ITGB1: variants seen among roughly 807,000 people sequenced by gnomAD.
ITGB1 encodes the protein integrin subunit beta 1.
ITGB1 carries 24 observed loss-of-function variants against 86.5 expected under a neutral mutation model. The ratio of observed to expected loss-of-function variants is 0.28; its 90% CI spans 0.20 to 0.39. The LOEUF is 0.39. Among genes scored for constraint, ITGB1 ranks in the 10% least tolerant of loss-of-function variants. The probability of loss-of-function intolerance (pLI) is 1.00; values close to 1 mark genes in which losing one functional copy is unlikely to be tolerated. For missense variants in ITGB1, 556 were observed against 946.9 expected, an observed-to-expected ratio of 0.59 and a Z score of 5.42; for synonymous variants, 323 against 316.8, an observed-to-expected ratio of 1.02 and a Z score of -0.21.
intron 2 of ITGB1, 89 bp from the exon 3 acceptor site, chr10:32,932,689 CAT>C (rs2094987672): frequency 9.2e-6 from 7 of 758,968 alleles, no homozygotes; most frequent in Non-Finnish European, 1.4e-5. Flanking sequence ...CAATGCAATA[CAT>C]ATGTTAAATA....
At chr10:32,913,327 T>C (rs562725875) in intron 11 of ITGB1, among the ~76,000 whole-genome samples, 1 of 152,318 alleles carries the variant, frequency 6.6e-6, no homozygotes, top group East Asian at 1.9e-4. Context: ...TTTGACAAGT[T>C]GAGAGAAGAA....
intron 1 of ITGB1, among the ~76,000 whole-genome samples, chr10:32,938,370 C>A (rs964347398): frequency 4.6e-5 from 7 of 152,184 alleles, no homozygotes; most frequent in African/African-American, 1.7e-4. Flanking sequence ...TGGACAGATA[C>A]ATGTTTCTTC....
intron 1 of ITGB1, among the ~76,000 whole-genome samples, chr10:32,946,706 G>A (rs940433374): frequency 8.4e-6 from 1 of 118,888 alleles, no homozygotes; most frequent in Non-Finnish European, 1.6e-5. Context: ...TTTTCTCCAG[G>A]TACTTAAAAC....
chr10:32,906,532 G>C (rs1328349870), intron 15 of ITGB1: 5 of 220,590 alleles, frequency 2.3e-5, no homozygotes, highest in Non-Finnish European at 1.9e-5. Context: ...AGAGGTTGCA[G>C]TGAGCTGATA....
intron 5 of ITGB1, among the ~76,000 whole-genome samples, chr10:32,927,772 C>T (rs532019301): frequency 5.3e-5 from 8 of 152,054 alleles, no homozygotes; most frequent in African/African-American, 1.7e-4. Context: ...CCAGTCTGGG[C>T]GACAAGAGTG....
In ITGB1 at chr10:32,926,059, GTGT is replaced by G; in HGVS notation, c.595_597del (p.Thr199del). 2 of 1,614,156 alleles carry G rather than the reference GTGT, an allele frequency of 1.2e-6. No homozygotes were observed. Among genetic ancestry groups the G allele is most frequent in the Non-Finnish European group, 1.7e-6 (2 of 1,180,022 alleles). On this transcript the variant is annotated inframe_deletion, in exon 6 of 16. Coordinates refer to ENST00000302278, the MANE Select transcript of ITGB1 (RefSeq NM_002211.4). The stretch of plus-strand genomic sequence containing the variant: ...GTGCAAGGGTTCCTGAGCTTAGCTG[GTGT>G]TGTGCTAATGTAAGGCATCACAGTC...
At chr10:32,924,683 G>A (rs1341075026) in intron 6 of ITGB1, among the ~76,000 whole-genome samples, 1 of 152,174 alleles carries the variant, frequency 6.6e-6, no homozygotes, top group African/African-American at 2.4e-5. Context: ...CTGCTAACAG[G>A]CTCACACATC....
intron 15 of ITGB1, chr10:32,907,140 C>G: frequency 7.7e-7 from 1 of 1,293,950 alleles, no homozygotes; most frequent in South Asian, 1.2e-5. Context: ...ATCGGATTTT[C>G]TTGCTAAAGT....
chr10:32,918,508 T>C (rs2094939005), intron 11 of ITGB1, among the ~76,000 whole-genome samples: 1 of 152,082 alleles, frequency 6.6e-6, no homozygotes, highest in African/African-American at 2.4e-5. Flanking sequence ...TGTACACACA[T>C]GTGCAAGCAG....
At position 32,944,663 on chromosome 10, in the gene ITGB1, T is replaced by C. The variant is rs1593884451; in HGVS notation, c.1-9105A>G. The C allele has an allele frequency of 6.2e-6, 4 of 640,736 alleles. No individual in the cohort carries two copies. The East Asian group carries it at 1.4e-4, about 22-fold the overall frequency. 39.7% of individuals were successfully genotyped at this position (640,736 alleles called of 1,614,324 possible). ...TAGCTAGCTGTTGGGTGGTTTTCCA[T>C]GGACACTTCCACAGGCAGAAGCCCT... On this transcript the variant is annotated intron_variant, in intron 1 of 15. Transcript: ENST00000302278.
At chr10:32,936,254 G>C (rs2095001290) in intron 1 of ITGB1, 1 of 152,056 alleles carries the variant, frequency 6.6e-6, no homozygotes, top group East Asian at 1.9e-4. Flanking sequence ...AGCCAACATG[G>C]AGAAACCCCA....
rs763951643 is a variant in ITGB1, at chr10:32,929,979, C to T, written c.219G>A (p.Lys73=). ...TTTCTATGTCATCTGGAGGGCAACCCTTCTTTTTTAAGGCTTCTAAATCAT... is the reference window on the plus strand; with the variant it reads ...TTTCTATGTCATCTGGAGGGCAACCTTTCTTTTTTAAGGCTTCTAAATCAT... ...RCDDLEALKK[K]GCPPDDIENP... is the part of the protein sequence containing the mutation. The change falls in exon 4 of 16, where the codon AAG becomes AAA. Residue 73 remains lysine (K), a synonymous_variant. Transcript: ENST00000302278. The T allele has an allele frequency of 8.4e-7, 1 of 1,196,468 alleles. No homozygotes were observed. Among genetic ancestry groups the T allele is most frequent in the Admixed American group, 1.7e-5 (1 of 59,558 alleles). 74.1% of individuals were successfully genotyped at this position (1,196,468 alleles called of 1,614,324 possible). A position where few individuals can be genotyped will look rare whatever the true frequency, so the allele number is the denominator to read the frequency against.
intron 1 of ITGB1, among the ~76,000 whole-genome samples, chr10:32,945,472 G>A (rs575789145): frequency 2.0e-5 from 3 of 152,058 alleles, no homozygotes; most frequent in Admixed American, 6.5e-5. Flanking sequence ...GGTGGCAGGC[G>A]CCTGTAGTCC....
At position 32,932,621 on chromosome 10, in the gene ITGB1, CA is replaced by C. The variant is rs2094987303; in HGVS notation, c.68-22del. The C allele has an allele frequency of 2.2e-6, 3 of 1,366,100 alleles. No homozygotes were observed. In the South Asian group the frequency reaches 3.5e-5, roughly 16 times the overall value. The allele number at this position is 1,366,100 out of a possible 1,614,324, so 84.6% of individuals were successfully genotyped here. On this transcript the variant is annotated intron_variant, in intron 2 of 15. Coordinates refer to ENST00000302278, the MANE Select transcript of ITGB1 (RefSeq NM_002211.4). ...TTCATCTGTCAGAAAGAAGAAAGAA[CA>C]GAACATTTTATGTGAAGTGTCAGAG...
intron 11 of ITGB1, among the ~76,000 whole-genome samples, chr10:32,913,586 G>T (rs1348912026): frequency 1.3e-5 from 2 of 152,042 alleles, no homozygotes; most frequent in Non-Finnish European, 2.9e-5. Context: ...AAGATCAAAT[G>T]AATGAAATGA....
rs1442098339 is a variant in ITGB1 at position 32,900,364 on chromosome 10, C to G, written c.*1206G>C. ...ATCTATAAAAATTTCATGCACACAACCTGATAAAATACATCAGAGTCAAGA... is the reference window on the plus strand; with the variant it reads ...ATCTATAAAAATTTCATGCACACAAGCTGATAAAATACATCAGAGTCAAGA... On this transcript the variant is annotated 3_prime_UTR_variant, in exon 16 of 16. Transcript: ENST00000302278. 2 of 152,512 alleles carry G rather than the reference C, an allele frequency of 1.3e-5. No individual in the cohort carries two copies. The highest frequency in any genetic ancestry group is 2.9e-5 in the Non-Finnish European group (2 of 68,014). 9.4% of individuals were successfully genotyped at this position (152,512 alleles called of 1,614,324 possible).
intron 11 of ITGB1, among the ~76,000 whole-genome samples, chr10:32,915,078 CAAAATG>C (rs2137181936): frequency 6.6e-6 from 1 of 152,236 alleles, no homozygotes; most frequent in Admixed American, 6.5e-5. Flanking sequence ...GGATACATAA[CAAAATG>C]AAGGCAGAAA....
At chr10:32,932,903 T>A (rs1485971881) in intron 2 of ITGB1, among the ~76,000 whole-genome samples, 1 of 152,150 alleles carries the variant, frequency 6.6e-6, no homozygotes, top group Non-Finnish European at 1.5e-5. Context: ...ATCCTTTGTG[T>A]TACAAAGAAT....
intron 8 of ITGB1, 135 bp from the exon 9 acceptor site, chr10:32,922,481 A>C (rs1387052171): frequency 5.2e-6 from 4 of 774,744 alleles, no homozygotes; most frequent in Non-Finnish European, 8.5e-6. Flanking sequence ...AAACCTAGAA[A>C]CCAGTTTTAT....
Sources: allele counts gnomAD v4.1 joint callset (sites outside exome capture counted in the v4.1 genomes callset), GRCh38; gene constraint gnomAD v4.1.1; transcripts MANE v1.5; gene names NCBI Gene and HGNC (gene_info 2026-07-23, HGNC 2026-07-21).